The following PFKP variants were observed in gnomAD, a reference collection of about 807,000 sequenced individuals.
PFKP encodes the protein ATP-dependent 6-phosphofructokinase, platelet type.
Under a neutral mutation model 94.3 loss-of-function variants are expected in PFKP, and 101 were observed. That is an observed-to-expected ratio of 1.07 (90% confidence interval 0.91 to 1.26). The LOEUF is 1.26. PFKP is among the 50% of genes most tolerant of loss of function. The pLI is 0.00. For missense variants in PFKP, 1,145 were observed against 1,103.3 expected, an observed-to-expected ratio of 1.04 and a Z score of -0.53; for synonymous variants, 573 against 432.6, an observed-to-expected ratio of 1.32 and a Z score of -4.03.
intron 1 of PFKP, among the ~76,000 whole-genome samples, chr10:3,070,765 C>A (rs907490210): frequency 1.3e-5 from 2 of 152,170 alleles, no homozygotes; most frequent in African/African-American, 4.8e-5. Flanking sequence ...TTATGTCTGG[C>A]TGTGTCACCC....
chr10:3,100,861 GCA>G (rs1834922681), intron 3 of PFKP: 1 of 317,378 alleles, frequency 3.2e-6, no homozygotes, highest in Non-Finnish European at 5.4e-6. Context: ...AGTATGTGGT[GCA>G]AAAAAAAAAA....
rs1024671335 is a variant in PFKP, at chr10:3,080,475, C to T, written c.113-1913C>T. Among the ~76,000 whole-genome samples the T allele has an allele frequency of 5.1e-4, 72 of 140,026 alleles. 1 individual carries two copies. Among genetic ancestry groups the T allele is most frequent in the Non-Finnish European group, 7.5e-5 (5 of 66,598 alleles). 91.9% of individuals were successfully genotyped at this position (140,026 alleles called of 152,430 possible). The stretch of plus-strand genomic sequence containing the variant: ...GAGCTTGCAGTGAGCCGAGATTGCA[C>T]CACTGCACTCCAGCCTGGGAGACAG... On this transcript the variant is annotated intron_variant, in intron 1 of 21. Transcript: ENST00000381125.
intron 2 of PFKP, among the ~76,000 whole-genome samples, chr10:3,096,658 C>CCCG (rs1554765623): frequency 6.6e-6 from 1 of 151,448 alleles, no homozygotes; most frequent in African/African-American, 2.4e-5. Flanking sequence ...TCCTTGCCCC[C>CCCG]CCGAGCTTCA....
chr10:3,119,784 TGTGCTCCCTGC>T (rs1837213131), intron 15 of PFKP, 97 bp from the exon 16 acceptor site: 2 of 786,568 alleles, frequency 2.5e-6, no homozygotes, highest in Non-Finnish European at 2.0e-6. Context: ...GATGCCCCAG[TGTGCTCCCTGC>T]GTGCTGTGGT....
chr10:3,121,589 T>G lies in PFKP; in HGVS notation c.1683+1545T>G, dbSNP rs200390862. Among the ~76,000 whole-genome samples the G allele has an allele frequency of 5.6e-3, 840 of 151,288 alleles. 7 individuals are homozygous for G. The highest frequency in any genetic ancestry group is 0.031 in the Middle Eastern group (9 of 292). The stretch of plus-strand genomic sequence containing the variant: ...CTCTGCTATAAATAACTGTTTTTTT[T>G]TTTTTTTTTTCAGATTGTAAATATG... On this transcript the variant is annotated intron_variant, in intron 16 of 21. Transcript: ENST00000381125.
chr10:3,124,827 C>T (rs771105270), intron 16 of PFKP, among the ~76,000 whole-genome samples: 13 of 142,726 alleles, frequency 9.1e-5, no homozygotes, highest in East Asian at 6.2e-4. Flanking sequence ...CAACCTGCTC[C>T]GTTGCCTGCC....
intron 1 of PFKP, chr10:3,068,780 C>G (rs1296553214): frequency 1.3e-6 from 1 of 788,786 alleles, no homozygotes; most frequent in Non-Finnish European, 1.5e-6. Context: ...AACCTGGGAG[C>G]CTTAGCGATC....
intron 2 of PFKP, among the ~76,000 whole-genome samples, chr10:3,093,628 C>T (rs1428228829): frequency 1.4e-5 from 2 of 139,100 alleles, no homozygotes; most frequent in Non-Finnish European, 3.0e-5. Flanking sequence ...ACCACAGGAA[C>T]AAGCATTATC....
chr10:3,113,515 C>G lies in PFKP; in HGVS notation c.1368C>G (p.Gly456=), dbSNP rs145021888. ...ATGGCTTTGACGGCTTCGCCAAGGG[C>G]CAGGTGAGTCACCCAGGATGCCGTA... is the stretch of plus-strand genomic sequence containing the variant. ...IYDGFDGFAK[G]QIKEIGWTDV... Residue 456 remains glycine (G), a synonymous_variant, in exon 13 of 22, where the codon GGC becomes GGG. Transcript: ENST00000381125. 3.3e-5 allele frequency: 53 copies of G among 1,612,046 alleles called. No individual in the cohort carries two copies. In the African/African-American group the frequency reaches 7.1e-4, roughly 21 times the overall value.
chr10:3,068,736 C>T (rs1831935910), intron 1 of PFKP: 1 of 981,344 alleles, frequency 1.0e-6, no homozygotes, highest in Non-Finnish European at 1.2e-6. Context: ...CGTGCAATCC[C>T]TGGCGGGTAG....
intron 2 of PFKP, among the ~76,000 whole-genome samples, chr10:3,089,174 C>G (rs1003659116): frequency 6.6e-6 from 1 of 152,114 alleles, no homozygotes; most frequent in Non-Finnish European, 1.5e-5. Context: ...CTCAGGTGAT[C>G]CTGCCCTCCT....
chr10:3,089,367 C>T (rs1355681711), intron 2 of PFKP, among the ~76,000 whole-genome samples: 2 of 152,080 alleles, frequency 1.3e-5, no homozygotes, highest in South Asian at 2.1e-4. Flanking sequence ...TATCCGCTGA[C>T]GGGCGCTGAT....
intron 16 of PFKP, among the ~76,000 whole-genome samples, chr10:3,125,885 C>T (rs1837893755): frequency 6.6e-6 from 1 of 152,210 alleles, no homozygotes; most frequent in African/African-American, 2.4e-5. Flanking sequence ...GCCTTTGCTG[C>T]AGAGACGGTC....
intron 13 of PFKP, among the ~76,000 whole-genome samples, chr10:3,115,770 C>T (rs1002461043): frequency 1.3e-5 from 2 of 152,164 alleles, no homozygotes; most frequent in African/African-American, 4.8e-5. Context: ...AGAGAAGGTC[C>T]AGGACTGATT....
rs547880338 is a variant in PFKP, at chr10:3,081,977, C to CTTTTTTTTTTT, written c.113-389_113-379dup. 2.5e-3 allele frequency among the ~76,000 whole-genome samples: 171 copies of CTTTTTTTTTTT among 68,412 alleles called. 6 individuals carry two copies. The highest frequency in any genetic ancestry group is 4.4e-3 in the East Asian group (10 of 2,248). The allele number at this position is 68,412 out of a possible 152,430, so 44.9% of individuals were successfully genotyped here. ...CTTGTTTTCTGTTGAAGCCCATTGC[C>CTTTTTTTTTTT]TTTTTTTTTTTTTTTTTTTTTTTTT... is the stretch of plus-strand genomic sequence containing the variant. On this transcript the variant is annotated intron_variant, in intron 1 of 21. Transcript: ENST00000381125.
intron 1 of PFKP, among the ~76,000 whole-genome samples, chr10:3,082,112 G>A (rs904352320): frequency 1.3e-5 from 2 of 149,104 alleles, no homozygotes; most frequent in African/African-American, 2.5e-5. Context: ...TCTGTACTTC[G>A]TTTTGCAGTT....
rs1465528119 is a variant in PFKP at position 3,077,806 on chromosome 10, A to C, written c.113-4582A>C. 3.3e-5 allele frequency among the ~76,000 whole-genome samples: 5 copies of C among 152,226 alleles called. No individual in the cohort carries two copies. The East Asian group carries it at 9.6e-4, about 29-fold the overall frequency. On this transcript the variant is annotated intron_variant, in intron 1 of 21. Transcript: ENST00000381125. ...GTAAGAAGCTGTTAAAAAGTACGGC[A>C]TATGAAGAAAGCGATTTAATAATTG...
intron 2 of PFKP, among the ~76,000 whole-genome samples, chr10:3,086,284 ACACT>A (rs1421085468): frequency 6.6e-6 from 1 of 152,190 alleles, no homozygotes; most frequent in Non-Finnish European, 1.5e-5. Context: ...GGCGGCCTGA[ACACT>A]CACAGGGACT....
chr10:3,103,955 C>A lies in PFKP; in HGVS notation c.620+11C>A. The A allele has an allele frequency of 6.2e-7, 1 of 1,612,238 alleles. No individual in the cohort carries two copies. Among genetic ancestry groups the A allele is most frequent in the Non-Finnish European group, 8.5e-7 (1 of 1,179,460 alleles). On this transcript the variant is annotated intron_variant, in intron 5 of 21. Transcript: ENST00000381125. ...GACCACGGCCCAGAGGTAAAGCGCT[C>A]AGAGGAACCGGCGGGAGGCCAGTGG...
Sources: allele counts gnomAD v4.1 joint callset (sites outside exome capture counted in the v4.1 genomes callset), GRCh38; gene constraint gnomAD v4.1.1; transcripts MANE v1.5; gene names NCBI Gene and HGNC (gene_info 2026-07-23, HGNC 2026-07-21).